Variants in BCO1 observed in about 807,000 individuals in gnomAD.
The protein encoded by BCO1 is beta,beta-carotene 15,15'-dioxygenase.
Under a neutral mutation model 56.3 loss-of-function variants are expected in BCO1, and 54 were observed. The observed-to-expected ratio is 0.96, with a 90% CI of 0.77 to 1.20. The LOEUF is 1.20. Ranked by LOEUF, BCO1 falls within the 50% of genes most tolerant of loss-of-function variation. BCO1 has a pLI of 0.00. For missense variants in BCO1, 801 were observed against 690.9 expected, an observed-to-expected ratio of 1.16 and a Z score of -1.79; for synonymous variants, 318 against 266.1, an observed-to-expected ratio of 1.20 and a Z score of -1.90.
Position 81,270,365 on chromosome 16 carries a change from C to T in BCO1, c.1050C>T (p.Leu350=), listed in dbSNP as rs780171634. 3.1e-6 allele frequency: 5 copies of T among 1,614,026 alleles called. No individual in the cohort carries two copies. Among genetic ancestry groups the T allele is most frequent in the Admixed American group, 3.3e-5 (2 of 59,980 alleles). The stretch of plus-strand genomic sequence containing the variant: ...AGGACTTCAAGGAGAACTCCAGGCT[C>T]ACCTCGGTCCCCACCCTCAGGAGGT... The part of the protein sequence containing the change: ...LNQDFKENSR[L]TSVPTLRRFA... The change falls in exon 7 of 11, where the codon CTC becomes CTT. Residue 350 remains leucine, a synonymous_variant. Transcript: ENST00000258168.
At chr16:81,277,584 G>A (rs1438143824) in intron 7 of BCO1, among the ~76,000 whole-genome samples, 1 of 152,172 alleles carries the variant, frequency 6.6e-6, no homozygotes, top group Non-Finnish European at 1.5e-5. Flanking sequence ...TTACACAGTG[G>A]AGGAAACTAG....
chr16:81,255,544 G>C (rs1456084476), intron 2 of BCO1, among the ~76,000 whole-genome samples: 2 of 151,252 alleles, frequency 1.3e-5, no homozygotes, highest in Non-Finnish European at 2.9e-5. Context: ...CTGTTGCCCA[G>C]GCTGGAGTGC....
Position 81,290,621 on chromosome 16 carries a change from A to C in BCO1, c.*44A>C, listed in dbSNP as rs1221539129. ...AGGGGAGGGGAGCTCGGCTGTCAGA[A>C]CTCCATGGATATGTTTCTTTGGATG... On this transcript the variant is annotated 3_prime_UTR_variant, in exon 11 of 11. Transcript: ENST00000258168. 2 of 1,470,912 alleles carry C rather than the reference A, an allele frequency of 1.4e-6. No homozygotes were observed. The highest frequency in any genetic ancestry group is 1.9e-6 in the Non-Finnish European group (2 of 1,059,900). 91.1% of individuals were successfully genotyped at this position (1,470,912 alleles called of 1,614,324 possible). A position where few individuals can be genotyped will look rare whatever the true frequency, so the allele number is the denominator to read the frequency against.
chr16:81,240,722 A>C (rs1905070425), intron 1 of BCO1, among the ~76,000 whole-genome samples: 1 of 152,088 alleles, frequency 6.6e-6, no homozygotes, highest in South Asian at 2.1e-4. Flanking sequence ...TAAATAAAAA[A>C]AAACCAGGCA....
At chr16:81,275,644 T>C (rs1907510559) in intron 7 of BCO1, among the ~76,000 whole-genome samples, 4 of 152,222 alleles carry the variant, frequency 2.6e-5, no homozygotes. Context: ...GAATGAATGA[T>C]GAATACATGA....
intron 10 of BCO1, 26 bp from the exon 11 acceptor site, chr16:81,290,322 A>G: frequency 6.3e-7 from 1 of 1,580,426 alleles, no homozygotes; most frequent in Non-Finnish European, 8.7e-7. Context: ...ACTTTTACGA[A>G]GTGTTTTTTT....
intron 7 of BCO1, among the ~76,000 whole-genome samples, chr16:81,279,565 G>C (rs993211981): frequency 6.6e-6 from 1 of 152,150 alleles, no homozygotes; most frequent in Admixed American, 6.5e-5. Flanking sequence ...TTGTGCAGAT[G>C]ATGTCATTCA....
At chr16:81,277,392 C>T (rs191804492) in intron 7 of BCO1, among the ~76,000 whole-genome samples, 30 of 152,280 alleles carry the variant, frequency 2.0e-4, no homozygotes, top group African/African-American at 4.8e-4. Flanking sequence ...AGAATCATCC[C>T]CAGGACTTGA....
chr16:81,284,321 AAAT>A (rs1263443732), intron 8 of BCO1, among the ~76,000 whole-genome samples: 21 of 149,160 alleles, frequency 1.4e-4, no homozygotes, highest in East Asian at 3.9e-4. Context: ...TACAGAGAAA[AAAT>A]AATATTTTTG....
intron 8 of BCO1, 140 bp from the exon 9 acceptor site, chr16:81,285,400 C>A: frequency 1.4e-6 from 1 of 705,708 alleles, no homozygotes; most frequent in South Asian, 1.5e-5. Flanking sequence ...CACCTTTGAT[C>A]CAATGCAGGC....
At chr16:81,282,556 A>T (rs1907942573) in intron 8 of BCO1, among the ~76,000 whole-genome samples, 1 of 152,110 alleles carries the variant, frequency 6.6e-6, no homozygotes, top group East Asian at 1.9e-4. Context: ...CATGCATCCC[A>T]TAACCGGTTC....
At chr16:81,241,033 C>T (rs2151923017) in intron 1 of BCO1, among the ~76,000 whole-genome samples, 1 of 152,186 alleles carries the variant, frequency 6.6e-6, no homozygotes, top group East Asian at 1.9e-4. Flanking sequence ...AGGGTATCTC[C>T]ATGTTGGTCA....
chr16:81,263,193 C>T (rs1318306805), intron 4 of BCO1: 3 of 151,268 alleles, frequency 2.0e-5, no homozygotes, highest in Middle Eastern at 3.1e-3. Flanking sequence ...TCACTGCAAC[C>T]TCCGCCTCCT....
chr16:81,257,595 C>G (rs1358375051), intron 2 of BCO1, among the ~76,000 whole-genome samples: 1 of 149,062 alleles, frequency 6.7e-6, no homozygotes, highest in Admixed American at 6.7e-5. Context: ...GCAAAAGAAA[C>G]TTCGCAGGCT....
At chr16:81,262,106 C>G (rs1567705790) in intron 3 of BCO1, 30 bp from the exon 4 acceptor site, 3 of 1,612,120 alleles carry the variant, frequency 1.9e-6, no homozygotes, top group East Asian at 4.5e-5. Flanking sequence ...GACATAGCCA[C>G]TGACTCTGTT....
At chr16:81,272,550 T>G (rs1907299308) in intron 7 of BCO1, among the ~76,000 whole-genome samples, 1 of 152,196 alleles carries the variant, frequency 6.6e-6, no homozygotes, top group African/African-American at 2.4e-5. Context: ...CACAATTCTC[T>G]GATGTTGGAA....
In BCO1 at chr16:81,287,325, T is replaced by C; in HGVS notation, c.1333T>C (p.Ser445Pro). ...IIKYDILTKS[S>P]LKWREDDCWP... ...AAAATATGACATTCTCACAAAGTCA[T>C]CCTTAAAATGGAGAGAGGACGACTG... The change falls in exon 10 of 11, where the codon TCC (serine) becomes CCC (proline). Residue 445 changes from serine (S) to proline (P), a missense_variant. Physicochemically the swap from Ser to Pro is moderately conservative, Grantham distance 74. Transcript: ENST00000258168. The C allele has an allele frequency of 6.2e-7, 1 of 1,614,058 alleles. No homozygotes were observed. The highest frequency in any genetic ancestry group is 8.5e-7 in the Non-Finnish European group (1 of 1,179,944).
At chr16:81,283,187 A>G (rs1907979576) in intron 8 of BCO1, among the ~76,000 whole-genome samples, 1 of 152,070 alleles carries the variant, frequency 6.6e-6, no homozygotes, top group African/African-American at 2.4e-5. Flanking sequence ...ATTTTCCCAC[A>G]TCCTGAAGAT....
chr16:81,242,025 C>T (rs1905146026), intron 1 of BCO1, among the ~76,000 whole-genome samples: 1 of 152,028 alleles, frequency 6.6e-6, no homozygotes, highest in South Asian at 2.1e-4. Context: ...AACACAGTGG[C>T]TGGTGTATGA....
Sources: gnomAD v4.1 joint callset for allele counts (sites outside exome capture counted in the v4.1 genomes callset) on GRCh38, gnomAD v4.1.1 for gene constraint, MANE v1.5 for transcripts, NCBI Gene and HGNC (gene_info 2026-07-23, HGNC 2026-07-21) for gene names.